SHROOM2: variants seen among roughly 807,000 people sequenced by gnomAD.
SHROOM2 encodes the protein protein Shroom2.
In SHROOM2, 33 loss-of-function variants were observed where a neutral mutation model predicts 75.9. The observed-to-expected ratio is 0.43, with a 90% confidence interval of 0.33 to 0.58. The LOEUF is 0.58. Among genes scored for constraint, SHROOM2 ranks in the 20% least tolerant of loss-of-function variants. The pLI, the probability that SHROOM2 is intolerant of heterozygous loss-of-function variation, is 0.04. For synonymous variants in SHROOM2, 655 were observed against 663.6 expected, an observed-to-expected ratio of 0.99 and a Z score of 0.20; for missense variants, 1,434 against 1,461.2, an observed-to-expected ratio of 0.98 and a Z score of 0.30.
intron 4 of SHROOM2, among the ~76,000 whole-genome samples, chrX:9,896,961 C>G (rs1362506443): frequency 8.9e-6 from 1 of 112,251 alleles, no homozygotes; most frequent in Non-Finnish European, 1.9e-5. Flanking sequence ...TGAGTTTCCC[C>G]TTAAGTAGCT....
chrX:9,831,942 A>T (rs1233634116), intron 1 of SHROOM2, among the ~76,000 whole-genome samples: 1 of 111,051 alleles, frequency 9.0e-6, no homozygotes, highest in African/African-American at 3.3e-5. Flanking sequence ...GGATTTCAAC[A>T]TATGGATTTT....
intron 1 of SHROOM2, among the ~76,000 whole-genome samples, chrX:9,860,425 T>C (rs2084097117): frequency 9.0e-6 from 1 of 111,422 alleles, no homozygotes; most frequent in Admixed American, 9.5e-5. Context: ...TTCCCAGTCA[T>C]GTCAATATTT....
rs780292728 is a variant in SHROOM2 at position 9,920,788 on chromosome X, G to T, written c.2892-11387G>T. On this transcript the variant is annotated intron_variant, in intron 5 of 9. Coordinates refer to ENST00000380913, the MANE Select transcript of SHROOM2 (RefSeq NM_001649.4). ...TGTTTATGAGTTTTATTTCTGGTCT[G>T]CTTTCTCCTCAAAATTTCCTGTGTA... 3.6e-5 allele frequency among the ~76,000 whole-genome samples: 4 copies of T among 112,114 alleles called. No individual in the cohort carries two copies. In the East Asian group the frequency reaches 1.1e-3, roughly 31 times the overall value.
intron 2 of SHROOM2, among the ~76,000 whole-genome samples, chrX:9,886,059 G>A (rs780773360): frequency 7.1e-5 from 8 of 112,162 alleles, no homozygotes; most frequent in Non-Finnish European, 1.1e-4. Context: ...TTCTGGGTTT[G>A]TTTTCATTTT....
rs181345929 is a variant in SHROOM2 at position 9,839,393 on chromosome X, G to A, written c.166-34259G>A. ...CTGGAATCTGACCAGAAAGGAAGCC[G>A]CATTTGCTCATCTGACAAGTCCTAA... is the stretch of plus-strand genomic sequence containing the variant. On this transcript the variant is annotated intron_variant, in intron 1 of 9. Transcript: ENST00000380913. Among the ~76,000 whole-genome samples, 123 of 111,312 alleles carry A rather than the reference G, an allele frequency of 1.1e-3. 1 individual carries two copies. The Admixed American group carries it at 0.012, about 10-fold the overall frequency.
intron 1 of SHROOM2, among the ~76,000 whole-genome samples, chrX:9,832,336 C>T (rs1211608973): frequency 1.8e-5 from 2 of 111,416 alleles, no homozygotes; most frequent in African/African-American, 6.5e-5. Flanking sequence ...CCGAGCCCCT[C>T]CCTCTGCAGC....
At chrX:9,904,579 C>T (rs2084381748) in intron 5 of SHROOM2, among the ~76,000 whole-genome samples, 1 of 112,085 alleles carries the variant, frequency 8.9e-6, no homozygotes, top group Non-Finnish European at 1.9e-5. Context: ...CACGTGCTGA[C>T]GTGGCAGCCC....
chrX:9,821,379 G>A (rs187996449), intron 1 of SHROOM2, among the ~76,000 whole-genome samples: 14 of 111,565 alleles, frequency 1.3e-4, no homozygotes, highest in Middle Eastern at 4.6e-3. Context: ...TGGGGGAGGC[G>A]TCAGGGAAGT....
intron 2 of SHROOM2, among the ~76,000 whole-genome samples, chrX:9,882,524 G>A (rs2084237741): frequency 9.0e-6 from 1 of 111,346 alleles, no homozygotes; most frequent in Non-Finnish European, 1.9e-5. Flanking sequence ...CAACAGTAAT[G>A]GGTTTATAGA....
intron 1 of SHROOM2, among the ~76,000 whole-genome samples, chrX:9,827,797 G>C (rs2083895752): frequency 9.0e-6 from 1 of 110,656 alleles, no homozygotes; most frequent in South Asian, 3.9e-4. Context: ...CCTCCGCTGA[G>C]AGAATAGGGT....
chrX:9,938,514 C>T (rs2084737479), intron 7 of SHROOM2, among the ~76,000 whole-genome samples: 1 of 112,004 alleles, frequency 8.9e-6, no homozygotes, highest in Non-Finnish European at 1.9e-5. Flanking sequence ...GATGGTGCCA[C>T]TGCACTCCAG....
At chrX:9,809,852 T>C (rs1186895483) in intron 1 of SHROOM2, among the ~76,000 whole-genome samples, 2 of 111,191 alleles carry the variant, frequency 1.8e-5, no homozygotes, top group Non-Finnish European at 3.8e-5. Context: ...GTGTGTGTGT[T>C]TTTAGTAGAG....
chrX:9,884,410 A>G (rs1381259672), intron 2 of SHROOM2, among the ~76,000 whole-genome samples: 1 of 99,262 alleles, frequency 1.0e-5, no homozygotes, highest in African/African-American at 3.8e-5. Flanking sequence ...AAGGGAAGGA[A>G]TTCTGCTCTT....
chrX:9,904,241 AG>A (rs752155324), intron 5 of SHROOM2, among the ~76,000 whole-genome samples: 2 of 111,860 alleles, frequency 1.8e-5, no homozygotes, highest in Non-Finnish European at 3.8e-5. Context: ...GTCATTGAGC[AG>A]GGCACAGTGG....
chrX:9,792,465 T>TG (rs1225528917), intron 1 of SHROOM2, among the ~76,000 whole-genome samples: 1 of 108,014 alleles, frequency 9.3e-6, no homozygotes, highest in African/African-American at 3.3e-5. Flanking sequence ...TTGTTTTTTT[T>TG]TTTGTTGTTG....
intron 1 of SHROOM2, among the ~76,000 whole-genome samples, chrX:9,791,389 C>G (rs1259742568): frequency 1.8e-5 from 2 of 111,764 alleles, no homozygotes; most frequent in Admixed American, 1.9e-4. Context: ...GCAAATAAAC[C>G]TGGATTTGTG....
At chrX:9,915,055 T>G (rs1016815359) in intron 5 of SHROOM2, among the ~76,000 whole-genome samples, 15 of 112,358 alleles carry the variant, frequency 1.3e-4, no homozygotes, top group Non-Finnish European at 2.8e-4. Flanking sequence ...TGGTGTGGCT[T>G]GCGAAGCCAC....
intron 1 of SHROOM2, chrX:9,819,383 AT>A: frequency 2.2e-6 from 1 of 456,635 alleles, no homozygotes. Context: ...TCTTGATTCC[AT>A]TTCCTTTGCC....
intron 6 of SHROOM2, among the ~76,000 whole-genome samples, chrX:9,935,310 T>A (rs866646053): frequency 1.0e-5 from 1 of 99,182 alleles, no homozygotes; most frequent in East Asian, 3.2e-4. Flanking sequence ...TCCTCCTTCT[T>A]TTATTATTAT....
Sources: allele counts gnomAD v4.1 joint callset (sites outside exome capture counted in the v4.1 genomes callset), GRCh38; gene constraint gnomAD v4.1.1; transcripts MANE v1.5; gene names NCBI Gene and HGNC (gene_info 2026-07-23, HGNC 2026-07-21).